MAML3: variants seen among roughly 807,000 people sequenced by gnomAD.
MAML3 encodes mastermind like transcriptional coactivator 3.
A neutral mutation model predicts 101.9 loss-of-function variants in MAML3; 27 were observed. The ratio of observed to expected loss-of-function variants is 0.27; its 90% CI spans 0.20 to 0.37. The LOEUF (loss-of-function observed/expected upper bound fraction) is 0.37, where lower values mean the gene tolerates loss of function less well. MAML3 is among the 10% of genes least tolerant of loss of function. The probability of loss-of-function intolerance (pLI) is 1.00; values close to 1 mark genes in which losing one functional copy is unlikely to be tolerated. For synonymous variants in MAML3, 501 were observed against 555.9 expected (o/e 0.90, Z 1.39); for missense variants, 1,316 against 1,444.9 (o/e 0.91, Z 1.45).
chr4:139,934,303 G>T (rs907941709), intron 1 of MAML3, among the ~76,000 whole-genome samples: 1 of 152,178 alleles, frequency 6.6e-6, no homozygotes, highest in African/African-American at 2.4e-5. Flanking sequence ...GCGACTATGG[G>T]TGTGTGTGCG....
intron 1 of MAML3, among the ~76,000 whole-genome samples, chr4:139,901,607 G>A (rs1193372945): frequency 6.6e-6 from 1 of 152,186 alleles, no homozygotes; most frequent in Non-Finnish European, 1.5e-5. Context: ...TGGTGAGGAA[G>A]AAGGGAAGGC....
intron 1 of MAML3, among the ~76,000 whole-genome samples, chr4:139,949,717 T>C (rs1462410283): frequency 6.6e-6 from 1 of 152,232 alleles, no homozygotes; most frequent in Non-Finnish European, 1.5e-5. Flanking sequence ...CTGCTTGACA[T>C]TTTCATGCCT....
chr4:140,120,174 T>C (rs1490279406), intron 1 of MAML3, among the ~76,000 whole-genome samples: 3 of 149,850 alleles, frequency 2.0e-5, no homozygotes, highest in Non-Finnish European at 4.4e-5. Context: ...GAGGCGGAGC[T>C]TGCAGTGAGC....
chr4:139,778,576 C>A (rs939505004), intron 2 of MAML3, among the ~76,000 whole-genome samples: 2 of 152,318 alleles, frequency 1.3e-5, no homozygotes, highest in African/African-American at 4.8e-5. Context: ...TTTCCTTCTT[C>A]TTCATAAAGA....
At chr4:139,764,299 C>T (rs529816837) in intron 2 of MAML3, among the ~76,000 whole-genome samples, 22 of 152,310 alleles carry the variant, frequency 1.4e-4, no homozygotes, top group African/African-American at 4.6e-4. Context: ...AGCAACTCCA[C>T]GCCCTGCTCA....
intron 1 of MAML3, among the ~76,000 whole-genome samples, chr4:140,136,925 T>C (rs1728897726): frequency 6.6e-6 from 1 of 152,274 alleles, no homozygotes; most frequent in African/African-American, 2.4e-5. Context: ...CTTCCTCCCA[T>C]TTCATTATTC....
At chr4:140,123,843 G>C (rs911523466) in intron 1 of MAML3, among the ~76,000 whole-genome samples, 1 of 152,164 alleles carries the variant, frequency 6.6e-6, no homozygotes, top group African/African-American at 2.4e-5. Flanking sequence ...TAATAAAAAG[G>C]ATAAAGGTGC....
At chr4:140,148,817 T>C (rs924006802) in intron 1 of MAML3, among the ~76,000 whole-genome samples, 7 of 152,248 alleles carry the variant, frequency 4.6e-5, no homozygotes, top group South Asian at 2.1e-4. Flanking sequence ...TATTATTAAA[T>C]GCATGTTATG....
intron 2 of MAML3, among the ~76,000 whole-genome samples, chr4:139,851,059 G>A (rs1731538735): frequency 6.6e-6 from 1 of 152,118 alleles, no homozygotes; most frequent in South Asian, 2.1e-4. Flanking sequence ...TCACTACTCT[G>A]GCAACTTGGG....
At chr4:139,991,796 T>C (rs1734677476) in intron 1 of MAML3, among the ~76,000 whole-genome samples, 1 of 152,130 alleles carries the variant, frequency 6.6e-6, no homozygotes, top group South Asian at 2.1e-4. Flanking sequence ...GAGTGAGCCA[T>C]GATCATGCCA....
intron 1 of MAML3, among the ~76,000 whole-genome samples, chr4:140,042,362 G>A (rs1727099382): frequency 1.3e-5 from 2 of 152,074 alleles, no homozygotes; most frequent in Non-Finnish European, 2.9e-5. Flanking sequence ...CACTCTGAGG[G>A]AGAGCCTCAC....
intron 1 of MAML3, among the ~76,000 whole-genome samples, chr4:140,061,841 G>C (rs1487492497): frequency 1.3e-5 from 2 of 152,150 alleles, no homozygotes; most frequent in Non-Finnish European, 2.9e-5. Flanking sequence ...AACTGCCACA[G>C]AGCCCAGTGT....
chr4:139,735,873 G>C lies in MAML3; in HGVS notation c.2080-5206C>G, dbSNP rs1245926649. On this transcript the variant is annotated intron_variant, in intron 2 of 4. Coordinates refer to ENST00000509479, the MANE Select transcript of MAML3 (RefSeq NM_018717.5). This position sits in a 1 kb window ranked among gnomAD's most constrained non-coding sequence, Gnocchi z 5.8. ...GGGCAGGGGCGGTGCGGCGGCGCTC[G>C]GGAGACCCGCGAGGGGCCCTGGAGG... Among the ~76,000 whole-genome samples, 1 of 151,890 alleles carries C rather than the reference G, an allele frequency of 6.6e-6. No individual in the cohort carries two copies. The highest frequency in any genetic ancestry group is 1.5e-5 in the Non-Finnish European group (1 of 67,942).
intron 1 of MAML3, among the ~76,000 whole-genome samples, chr4:140,139,520 A>G (rs1362000822): frequency 1.3e-5 from 2 of 152,120 alleles, no homozygotes; most frequent in Non-Finnish European, 1.5e-5. Context: ...GCAAGACCCT[A>G]TCTCTTAACA....
intron 1 of MAML3, among the ~76,000 whole-genome samples, chr4:140,093,717 C>T (rs747013948): frequency 3.8e-4 from 58 of 152,068 alleles, no homozygotes; most frequent in Non-Finnish European, 6.6e-4. Flanking sequence ...CGTGAGCCAC[C>T]GTGCCCAGCC....
At chr4:139,916,643 C>T (rs1217831794) in intron 1 of MAML3, among the ~76,000 whole-genome samples, 1 of 152,212 alleles carries the variant, frequency 6.6e-6, no homozygotes, top group African/African-American at 2.4e-5. Context: ...GGTTCTATTG[C>T]AAGAGTTGTA....
intron 2 of MAML3, among the ~76,000 whole-genome samples, chr4:139,734,474 C>T (rs1454999140): frequency 6.6e-6 from 1 of 152,244 alleles, no homozygotes; most frequent in African/African-American, 2.4e-5. Flanking sequence ...ACTGTGGCTA[C>T]ATAGATCTTC....
intron 1 of MAML3, among the ~76,000 whole-genome samples, chr4:140,079,496 G>A (rs1343856100): frequency 2.0e-5 from 3 of 152,020 alleles, no homozygotes; most frequent in Admixed American, 6.6e-5. Flanking sequence ...GTTTCACCAC[G>A]TTGGCCAGGA....
At chr4:140,096,034 T>C (rs1368285260) in intron 1 of MAML3, among the ~76,000 whole-genome samples, 3 of 152,238 alleles carry the variant, frequency 2.0e-5, no homozygotes, top group Admixed American at 1.3e-4. Context: ...AATTGGGATA[T>C]TGCATTTGTA....
Sources: gnomAD v4.1 joint callset for allele counts (sites outside exome capture counted in the v4.1 genomes callset) on GRCh38, gnomAD v4.1.1 for gene constraint, Gnocchi (gnomAD v3.1) non-coding constraint, MANE v1.5 for transcripts, NCBI Gene and HGNC (gene_info 2026-07-23, HGNC 2026-07-21) for gene names.